Variants in NUAK2 observed in about 807,000 individuals in gnomAD.
NUAK2 encodes NUAK family kinase 2.
NUAK2 carries 20 observed loss-of-function variants against 29.8 expected under a neutral mutation model. That is an observed-to-expected ratio of 0.67 (90% confidence interval 0.47 to 0.98). The LOEUF is 0.98. Ranked by LOEUF, NUAK2 falls within the 50% of genes least tolerant of loss-of-function variation. The probability of loss-of-function intolerance (pLI) is 0.00; values close to 1 mark genes in which losing one functional copy is unlikely to be tolerated. For missense variants in NUAK2, 719 were observed against 834.5 expected (o/e 0.86, Z 1.71); for synonymous variants, 331 against 342.6 (o/e 0.97, Z 0.37).
At chr1:205,305,057 T>G (rs1662159916) in intron 6 of NUAK2, 142 bp downstream of exon 6, 3 of 1,002,640 alleles carry the variant, frequency 3.0e-6, no homozygotes, top group Admixed American at 2.5e-5. Flanking sequence ...ACATTGGACA[T>G]ACGGTGGAGG....
Position 205,304,202 on chromosome 1 carries a change from T to C in NUAK2, c.1135A>G (p.Lys379Glu), listed in dbSNP as rs1662141245. ...AGAGACTGGGCCATGTCATTCTCCTTGCGGGACTTCTTGAGCGAATGCTGG... is the reference window on the plus strand; with the variant it reads ...AGAGACTGGGCCATGTCATTCTCCTCGCGGGACTTCTTGAGCGAATGCTGG... ...ERQHSLKKSR[K>E]ENDMAQSLHS... The change falls in exon 7 of 7, where the codon AAG becomes GAG. Residue 379 changes from lysine to glutamate, a missense_variant. Around this residue, in one of 3 missense-constraint regions of NUAK2, gnomAD observed 430 missense variants for 465.7 expected, o/e 0.92. Coordinates refer to ENST00000367157, the MANE Select transcript of NUAK2 (RefSeq NM_030952.3). The surrounding 1 kb of genome is among the most constrained non-coding windows in gnomAD (Gnocchi z 6.5). 1 of 1,614,192 alleles carries C rather than the reference T, an allele frequency of 6.2e-7. No homozygotes were observed. The highest frequency in any genetic ancestry group is 1.3e-5 in the African/African-American group (1 of 75,064).
At chr1:205,309,478 C>T (rs1451694965) in intron 2 of NUAK2, among the ~76,000 whole-genome samples, 2 of 152,138 alleles carry the variant, frequency 1.3e-5, no homozygotes, top group African/African-American at 4.8e-5. Context: ...AGGTGCGCGC[C>T]ACCATGCCAG....
intron 5 of NUAK2, chr1:205,305,597 A>T: frequency 2.5e-6 from 2 of 810,548 alleles, no homozygotes; most frequent in Non-Finnish European, 3.0e-6. Flanking sequence ...CATCACTCTC[A>T]GGAGGCTGGA....
intron 4 of NUAK2, among the ~76,000 whole-genome samples, chr1:205,307,156 C>T (rs1400681181): frequency 6.6e-6 from 1 of 152,174 alleles, no homozygotes; most frequent in African/African-American, 2.4e-5. Context: ...AGGCCATGCC[C>T]TGGTGCTCCC....
intron 1 of NUAK2, among the ~76,000 whole-genome samples, chr1:205,314,194 G>A (rs1662294229): frequency 6.6e-6 from 1 of 152,230 alleles, no homozygotes; most frequent in Admixed American, 6.5e-5. Flanking sequence ...ACGGGCCAGG[G>A]ATGGCGTGCC....
At position 205,313,759 on chromosome 1, in the gene NUAK2, CG is replaced by C. The variant is rs367961044; in HGVS notation, c.232-1935del. Among the ~76,000 whole-genome samples, 160 of 151,752 alleles carry C rather than the reference CG, an allele frequency of 1.1e-3. 7 individuals carry two copies. In the East Asian group the frequency reaches 0.018, roughly 17 times the overall value. ...TATGAAATTAGCCGTACAGATGCCA[CG>C]GGGCCCTCAGAGGCTGCAGGGCTAG... On this transcript the variant is annotated intron_variant, in intron 1 of 6. Coordinates refer to ENST00000367157, the MANE Select transcript of NUAK2 (RefSeq NM_030952.3).
At chr1:205,321,070 C>T (rs1662408327) in intron 1 of NUAK2, among the ~76,000 whole-genome samples, 1 of 152,228 alleles carries the variant, frequency 6.6e-6, no homozygotes, top group African/African-American at 2.4e-5. Context: ...CCCAGCAAAA[C>T]TCAACTTAAG....
intron 1 of NUAK2, among the ~76,000 whole-genome samples, chr1:205,317,332 G>A (rs1662342668): frequency 6.6e-6 from 1 of 152,232 alleles, no homozygotes; most frequent in African/African-American, 2.4e-5. Context: ...CAGAGCTGGA[G>A]CCAAGATCCT....
rs561905076 is a variant in NUAK2 at position 205,303,632 on chromosome 1, G to A, written c.1705C>T (p.Arg569Trp). ...LPERLPEPPL[R>W]GCVSVDNLTG... ...AGGTTGTCCACAGACACACAGCCCC[G>A]CAGTGGGGGCTCTGGGAGCCGTTCA... is the stretch of plus-strand genomic sequence containing the variant. The change falls in exon 7 of 7, where the codon CGG becomes TGG. Residue 569 changes from arginine to tryptophan, a missense_variant. By Grantham distance (101) the Arg-to-Trp change is moderately radical (BLOSUM62 -3). Coordinates refer to ENST00000367157, the MANE Select transcript of NUAK2 (RefSeq NM_030952.3). The A allele has an allele frequency of 4.1e-5, 66 of 1,595,860 alleles. No homozygotes were observed. The highest frequency in any genetic ancestry group is 3.4e-4 in the Middle Eastern group (2 of 5,940).
intron 1 of NUAK2, among the ~76,000 whole-genome samples, chr1:205,312,841 T>A (rs1662274430): frequency 6.6e-6 from 1 of 152,110 alleles, no homozygotes; most frequent in Non-Finnish European, 1.5e-5. Context: ...ATAAATTACA[T>A]GTGGTACGTC....
At chr1:205,313,917 G>A (rs1662289492) in intron 1 of NUAK2, among the ~76,000 whole-genome samples, 1 of 152,196 alleles carries the variant, frequency 6.6e-6, no homozygotes, top group African/African-American at 2.4e-5. Flanking sequence ...TGAAGACCTA[G>A]ACTGTGGTAA....
At position 205,321,618 on chromosome 1, in the gene NUAK2, A is replaced by G; in HGVS notation, c.11T>C (p.Leu4Pro). MESLVFARRSGPTP... is the reference protein window; with the variant it reads MESPVFARRSGPTP... ...GGGGCCGGAGCGCCGCGCGAAAACCAGCGACTCCATGGCGAGCAGGAGGTG... is the reference window on the plus strand; with the variant it reads ...GGGGCCGGAGCGCCGCGCGAAAACCGGCGACTCCATGGCGAGCAGGAGGTG... The change falls in exon 1 of 7, where the codon CTG becomes CCG. Residue 4 changes from leucine (L) to proline (P), a missense_variant. By Grantham distance (98) the Leu-to-Pro change is moderately conservative. Around this residue, in one of 3 missense-constraint regions of NUAK2, gnomAD observed 283 missense variants for 345.6 expected, o/e 0.82. Transcript: ENST00000367157. The G allele has an allele frequency of 6.2e-7, 1 of 1,609,326 alleles. No individual in the cohort carries two copies. The highest frequency in any genetic ancestry group is 2.2e-5 in the East Asian group (1 of 44,826).
At chr1:205,314,557 C>G (rs1474673222) in intron 1 of NUAK2, among the ~76,000 whole-genome samples, 1 of 152,226 alleles carries the variant, frequency 6.6e-6, no homozygotes, top group Non-Finnish European at 1.5e-5. Flanking sequence ...CTTGGAGTAT[C>G]ATTCCCACAC....
At position 205,303,865 on chromosome 1, in the gene NUAK2, G is replaced by A. The variant is rs1167038163; in HGVS notation, c.1472C>T (p.Ala491Val). The A allele has an allele frequency of 6.2e-7, 1 of 1,613,760 alleles. No individual in the cohort carries two copies. Among genetic ancestry groups the A allele is most frequent in the East Asian group, 2.2e-5 (1 of 44,874 alleles). ...TTTGCGATGGAGGAGCAGCCCTGAA[G>A]CTTGCGGAGGCTTCTGCTCCTTGGG... The part of the protein sequence containing the change: ...GDPKEQKPPQ[A>V]SGLLLHRKGI... Residue 491 changes from alanine to valine, a missense_variant, in exon 7 of 7, where the codon GCT (alanine) becomes GTT (valine). This residue lies in a region of NUAK2 where 430 missense variants were observed against 465.7 expected (regional missense o/e 0.92). Transcript: ENST00000367157.
chr1:205,317,227 G>A (rs1662341459), intron 1 of NUAK2, among the ~76,000 whole-genome samples: 1 of 152,202 alleles, frequency 6.6e-6, no homozygotes, highest in African/African-American at 2.4e-5. Flanking sequence ...GGAGAGGATG[G>A]TAGAAAGGTC....
At chr1:205,318,330 T>C (rs1662357776) in intron 1 of NUAK2, among the ~76,000 whole-genome samples, 1 of 152,152 alleles carries the variant, frequency 6.6e-6, no homozygotes, top group Non-Finnish European at 1.5e-5. Flanking sequence ...ACTGTTGGAA[T>C]AACAAAGCAC....
chr1:205,312,901 G>A (rs1447357209), intron 1 of NUAK2, among the ~76,000 whole-genome samples: 1 of 152,168 alleles, frequency 6.6e-6, no homozygotes, highest in Non-Finnish European at 1.5e-5. Context: ...ATGAAATTCT[G>A]ACACATGCTA....
Position 205,304,578 on chromosome 1 carries a change from TC to T in NUAK2, c.824-66del. 1 of 1,313,678 alleles carries T rather than the reference TC, an allele frequency of 7.6e-7. No individual in the cohort carries two copies. Among genetic ancestry groups the T allele is most frequent in the Non-Finnish European group, 1.0e-6 (1 of 974,198 alleles). 81.4% of individuals were successfully genotyped at this position (1,313,678 alleles called of 1,614,324 possible). On this transcript the variant is annotated intron_variant, in intron 6 of 6. Coordinates refer to ENST00000367157, the MANE Select transcript of NUAK2 (RefSeq NM_030952.3). The surrounding 1 kb of genome is among the most constrained non-coding windows in gnomAD (Gnocchi z 6.5). ...CAGAATAGGCACTCCCTGTCCCCTG[TC>T]CCCAGCTCATCCCCTTTTGAGCTAT... is the stretch of plus-strand genomic sequence containing the variant.
intron 1 of NUAK2, 147 bp downstream of exon 1, chr1:205,321,251 C>T (rs1252776457): frequency 1.0e-5 from 7 of 702,930 alleles, no homozygotes; most frequent in South Asian, 9.9e-5. Context: ...CCAGGGACAC[C>T]CCGCAGTAGC....
Sources: allele counts gnomAD v4.1 joint callset (sites outside exome capture counted in the v4.1 genomes callset), GRCh38; gene constraint gnomAD v4.1.1; regional missense constraint gnomAD v4.1.1; non-coding constraint Gnocchi (gnomAD v3.1); transcripts MANE v1.5; gene names NCBI Gene and HGNC (gene_info 2026-07-23, HGNC 2026-07-21).